PLPPR4: variants seen among roughly 807,000 people sequenced by gnomAD.
PLPPR4 encodes phospholipid phosphatase related 4, also known as phospholipid phosphatase-related protein type 4.
In PLPPR4, 24 loss-of-function variants were observed where a neutral mutation model predicts 56.6. The observed-to-expected ratio is 0.42, with a 90% CI of 0.31 to 0.60. The LOEUF (loss-of-function observed/expected upper bound fraction) is 0.60. PLPPR4 is among the 20% of genes least tolerant of loss of function. The pLI, the probability that PLPPR4 is intolerant of heterozygous loss-of-function variation, is 0.13. For synonymous variants in PLPPR4, 326 were observed against 328.1 expected, an observed-to-expected ratio of 0.99 and a Z score of 0.07; for missense variants, 654 against 885.8, an observed-to-expected ratio of 0.74 and a Z score of 3.32.
intron 1 of PLPPR4, among the ~76,000 whole-genome samples, chr1:99,266,011 T>TTATTTTAATGAA (rs1379519300): frequency 6.6e-6 from 1 of 152,234 alleles, no homozygotes; most frequent in Non-Finnish European, 1.5e-5. Context: ...AATGAATCCA[T>TTATTTTAATGAA]TTATTATCCT....
intron 6 of PLPPR4, 91 bp downstream of exon 6, chr1:99,301,988 AT>A: frequency 1.2e-6 from 1 of 804,066 alleles, no homozygotes; most frequent in Non-Finnish European, 1.8e-6. Flanking sequence ...CTTGCGATAT[AT>A]TTTATATAAA....
At chr1:99,264,746 G>A in intron 1 of PLPPR4, 75 bp downstream of exon 1, 1 of 1,492,468 alleles carries the variant, frequency 6.7e-7, no homozygotes. Flanking sequence ...CCTGGACAGT[G>A]TTGGAGGCGC....
chr1:99,294,332 C>T (rs548695728), intron 2 of PLPPR4, among the ~76,000 whole-genome samples: 2 of 152,332 alleles, frequency 1.3e-5, no homozygotes, highest in African/African-American at 4.8e-5. Flanking sequence ...ATCCATATTA[C>T]ATGGTCTAGA....
chr1:99,291,481 T>C (rs977659567), intron 2 of PLPPR4, among the ~76,000 whole-genome samples: 8 of 152,194 alleles, frequency 5.3e-5, no homozygotes, highest in African/African-American at 1.7e-4. Flanking sequence ...TACACGTATA[T>C]TCATTGCAGC....
In PLPPR4 at chr1:99,285,940, C is replaced by G. The variant is rs566386733; in HGVS notation, c.79-2025C>G. On this transcript the variant is annotated intron_variant, in intron 1 of 6. Coordinates refer to ENST00000370185, the MANE Select transcript of PLPPR4 (RefSeq NM_014839.5). The stretch of plus-strand genomic sequence containing the variant: ...TTTCTCTTTAGCTGAGAGCAGGTCT[C>G]TCACTAAGCTATTGCTCCTTGGTGA... 1.6e-4 allele frequency among the ~76,000 whole-genome samples: 25 copies of G among 152,294 alleles called. No homozygotes were observed. The South Asian group carries it at 5.2e-3, about 32-fold the overall frequency.
chr1:99,296,686 CTTAATAGG>C, intron 2 of PLPPR4, 44 bp from the exon 3 acceptor site: 1 of 1,459,668 alleles, frequency 6.9e-7, no homozygotes, highest in Non-Finnish European at 9.3e-7. Flanking sequence ...TACCTGTTGG[CTTAATAGG>C]TATTCCAACA....
Position 99,273,985 on chromosome 1 carries a change from T to A in PLPPR4, c.78+9314T>A, listed in dbSNP as rs924166854. Among the ~76,000 whole-genome samples the A allele has an allele frequency of 2.6e-5, 4 of 152,220 alleles. No homozygotes were observed. The East Asian group carries it at 7.7e-4, about 29-fold the overall frequency. ...TCTCTTAATTGTACTTACGTTCATT[T>A]TATAATCTAGGACTTACCTATGGAT... is the stretch of plus-strand genomic sequence containing the variant. On this transcript the variant is annotated intron_variant, in intron 1 of 6. Transcript: ENST00000370185.
chr1:99,278,175 T>A (rs946504724), intron 1 of PLPPR4, among the ~76,000 whole-genome samples: 1 of 152,154 alleles, frequency 6.6e-6, no homozygotes, highest in African/African-American at 2.4e-5. Flanking sequence ...ATACAGTAAT[T>A]CTGTACAATA....
intron 1 of PLPPR4, among the ~76,000 whole-genome samples, chr1:99,287,156 T>C (rs1570915211): frequency 1.3e-5 from 2 of 152,106 alleles, no homozygotes; most frequent in African/African-American, 4.8e-5. Context: ...TCTGTTCTAG[T>C]GTTAGTTTGC....
At chr1:99,300,774 T>C in intron 4 of PLPPR4, 135 bp from the exon 5 acceptor site, 1 of 676,416 alleles carries the variant, frequency 1.5e-6, no homozygotes, top group Admixed American at 2.3e-5. Context: ...ACCAGAAAGC[T>C]GGACAGAAGG....
chr1:99,303,478 A>G (rs1054357887), intron 6 of PLPPR4, among the ~76,000 whole-genome samples: 1 of 152,188 alleles, frequency 6.6e-6, no homozygotes, highest in Non-Finnish European at 1.5e-5. Context: ...CTACGGTTAT[A>G]TAAAACTGCC....
At chr1:99,283,115 G>C (rs1415844576) in intron 1 of PLPPR4, among the ~76,000 whole-genome samples, 2 of 151,766 alleles carry the variant, frequency 1.3e-5, no homozygotes, top group Non-Finnish European at 2.9e-5. Context: ...CGAGGCTTGG[G>C]ACTAGCAGGC....
intron 2 of PLPPR4, among the ~76,000 whole-genome samples, chr1:99,291,539 T>C (rs1382442736): frequency 1.3e-5 from 2 of 152,202 alleles, no homozygotes; most frequent in East Asian, 3.9e-4. Context: ...TGCCAATCAA[T>C]TATAGACTGG....
upstream of PLPPR4, chr1:99,264,311 C>T: frequency 2.9e-6 from 2 of 700,390 alleles, no homozygotes; most frequent in Non-Finnish European, 4.6e-6. Context: ...GCAGCAACAG[C>T]TTGGAGGAGG....
In PLPPR4 at chr1:99,308,894, A is replaced by T. The variant is rs1660114308; in HGVS notation, c.*1884A>T. On this transcript the variant is annotated 3_prime_UTR_variant, in exon 7 of 7. Coordinates refer to ENST00000370185, the MANE Select transcript of PLPPR4 (RefSeq NM_014839.5). ...GGCTTTTGCCTGTTTGTAGAGGAAA[A>T]GGTGGGCTGGTTTTAGTACTCTGAA... 6.6e-6 allele frequency: 1 copy of T among 152,588 alleles called. No individual in the cohort carries two copies. The highest frequency in any genetic ancestry group is 1.5e-5 in the Non-Finnish European group (1 of 68,032). The allele number at this position is 152,588 out of a possible 1,614,324, so 9.5% of individuals were successfully genotyped here.
upstream of PLPPR4, among the ~76,000 whole-genome samples, chr1:99,263,438 G>A (rs1320926190): frequency 6.6e-6 from 1 of 152,066 alleles, no homozygotes; most frequent in Non-Finnish European, 1.5e-5. Flanking sequence ...AAGACCTATT[G>A]GAGGAGCAAC....
intron 6 of PLPPR4, among the ~76,000 whole-genome samples, chr1:99,304,994 T>C (rs1390992545): frequency 6.6e-6 from 1 of 152,160 alleles, no homozygotes; most frequent in Non-Finnish European, 1.5e-5. Flanking sequence ...CAAAATTAAA[T>C]AAAATCTGGC....
chr1:99,264,224 C>T (rs1021988235), upstream of PLPPR4: 5 of 535,820 alleles, frequency 9.3e-6, no homozygotes, highest in Non-Finnish European at 1.6e-5. Context: ...GGATTCTTGA[C>T]GTCAAGCTCC....
intron 1 of PLPPR4, among the ~76,000 whole-genome samples, chr1:99,268,970 A>G (rs1658979627): frequency 6.6e-6 from 1 of 152,202 alleles, no homozygotes; most frequent in African/African-American, 2.4e-5. Context: ...GTACATGTGC[A>G]GAACATGCAG....
Sources: allele counts gnomAD v4.1 joint callset (sites outside exome capture counted in the v4.1 genomes callset), GRCh38; gene constraint gnomAD v4.1.1; transcripts MANE v1.5; gene names NCBI Gene and HGNC (gene_info 2026-07-23, HGNC 2026-07-21).